The following LRRTM4 variants were observed in gnomAD, a reference collection of about 807,000 sequenced individuals.
LRRTM4 encodes leucine rich repeat transmembrane neuronal 4.
In LRRTM4, 25 loss-of-function variants were observed where a neutral mutation model predicts 47.6. That is an observed-to-expected ratio of 0.53 (90% CI 0.38 to 0.73). The LOEUF is 0.73. Ranked by LOEUF, LRRTM4 falls within the 30% of genes least tolerant of loss-of-function variation. The pLI, the probability that LRRTM4 is intolerant of heterozygous loss-of-function variation, is 0.00. For synonymous variants in LRRTM4, 311 were observed against 269.5 expected, an observed-to-expected ratio of 1.15 and a Z score of -1.51; for missense variants, 638 against 713.4, an observed-to-expected ratio of 0.89 and a Z score of 1.20.
At chr2:77,397,730 C>T (rs374961467) in intron 3 of LRRTM4, among the ~76,000 whole-genome samples, 18 of 151,916 alleles carry the variant, frequency 1.2e-4, no homozygotes, top group Middle Eastern at 3.4e-3. Flanking sequence ...TTTCTTCCCA[C>T]GTGCTGGACT....
chr2:77,332,558 T>C (rs562525330), intron 3 of LRRTM4, among the ~76,000 whole-genome samples: 31 of 152,300 alleles, frequency 2.0e-4, no homozygotes, highest in African/African-American at 7.5e-4. Flanking sequence ...GCTTCTGTCT[T>C]TAGATTGGCT....
At chr2:77,322,899 T>C (rs535219907) in intron 3 of LRRTM4, among the ~76,000 whole-genome samples, 24 of 151,510 alleles carry the variant, frequency 1.6e-4, no homozygotes, top group Non-Finnish European at 3.2e-4. Context: ...AAAATAGAAA[T>C]GTCAGCATCT....
intron 3 of LRRTM4, among the ~76,000 whole-genome samples, chr2:76,829,626 TACTC>T (rs1444955524): frequency 2.0e-5 from 3 of 152,016 alleles, no homozygotes; most frequent in Admixed American, 6.6e-5. Flanking sequence ...GTGCATAAAT[TACTC>T]AGTGCATTTT....
intron 3 of LRRTM4, among the ~76,000 whole-genome samples, chr2:76,815,431 C>A (rs1002002840): frequency 6.6e-6 from 1 of 152,014 alleles, no homozygotes; most frequent in Non-Finnish European, 1.5e-5. Context: ...TGAAAGTCTG[C>A]AGGGCTGGAA....
intron 3 of LRRTM4, among the ~76,000 whole-genome samples, chr2:76,853,339 G>A (rs1672054557): frequency 6.6e-6 from 1 of 152,028 alleles, no homozygotes; most frequent in African/African-American, 2.4e-5. Flanking sequence ...CCTCTAGATT[G>A]TTTTTCCTTT....
At chr2:77,463,132 C>G (rs1676853820) in intron 3 of LRRTM4, among the ~76,000 whole-genome samples, 1 of 152,004 alleles carries the variant, frequency 6.6e-6, no homozygotes, top group South Asian at 2.1e-4. Flanking sequence ...ATATAACCTA[C>G]TACACACCTA....
At chr2:76,929,016 GAGC>G (rs1290665400) in intron 3 of LRRTM4, among the ~76,000 whole-genome samples, 1 of 152,118 alleles carries the variant, frequency 6.6e-6, no homozygotes, top group African/African-American at 2.4e-5. Context: ...TTACAAAGGT[GAGC>G]AGATGACTAA....
intron 3 of LRRTM4, among the ~76,000 whole-genome samples, chr2:77,366,851 T>C (rs749587480): frequency 1.3e-5 from 2 of 151,904 alleles, no homozygotes; most frequent in Non-Finnish European, 2.9e-5. Flanking sequence ...TCACTGTCTC[T>C]GTCTCAGATA....
At chr2:77,388,731 C>T (rs1673384422) in intron 3 of LRRTM4, among the ~76,000 whole-genome samples, 1 of 152,000 alleles carries the variant, frequency 6.6e-6, no homozygotes, top group African/African-American at 2.4e-5. Context: ...TTTTCCAAGA[C>T]AGCCATGCTG....
intron 3 of LRRTM4, among the ~76,000 whole-genome samples, chr2:76,970,894 G>T (rs1676194617): frequency 6.6e-6 from 1 of 151,940 alleles, no homozygotes; most frequent in Non-Finnish European, 1.5e-5. Flanking sequence ...AGAACAGTGT[G>T]GAGTTACAAT....
At chr2:76,870,170 T>G (rs905095162) in intron 3 of LRRTM4, among the ~76,000 whole-genome samples, 2 of 152,204 alleles carry the variant, frequency 1.3e-5, no homozygotes, top group East Asian at 1.9e-4. Flanking sequence ...ACTAAAGCCC[T>G]CCACTGTTTC....
intron 3 of LRRTM4, among the ~76,000 whole-genome samples, chr2:77,395,296 C>G (rs561031338): frequency 1.1e-3 from 170 of 152,036 alleles, no homozygotes; most frequent in African/African-American, 4.0e-3. Flanking sequence ...GGAGTCTGTT[C>G]AGTCAGTTGA....
chr2:77,082,797 C>G (rs144005630), intron 3 of LRRTM4, among the ~76,000 whole-genome samples: 1 of 152,050 alleles, frequency 6.6e-6, no homozygotes, highest in South Asian at 2.1e-4. Flanking sequence ...TATGATGTCA[C>G]GTATTTGCTC....
At chr2:77,087,793 A>G in intron 3 of LRRTM4, among the ~76,000 whole-genome samples, 1 of 152,260 alleles carries the variant, frequency 6.6e-6, no homozygotes, top group East Asian at 1.9e-4. Flanking sequence ...AATAAAATGT[A>G]TACTAAAGAA....
chr2:76,912,445 T>C (rs1674103224), intron 3 of LRRTM4, among the ~76,000 whole-genome samples: 1 of 152,236 alleles, frequency 6.6e-6, no homozygotes, highest in Admixed American at 6.5e-5. Flanking sequence ...AGTCTCATTA[T>C]AAAATTTGAT....
chr2:76,979,566 A>G (rs1361295805), intron 3 of LRRTM4, among the ~76,000 whole-genome samples: 1 of 94,938 alleles, frequency 1.1e-5, no homozygotes, highest in Non-Finnish European at 2.0e-5. Flanking sequence ...CTTCCTCTAT[A>G]TATATATATA....
chr2:77,201,443 T>C (rs554507424), intron 3 of LRRTM4, among the ~76,000 whole-genome samples: 1 of 152,168 alleles, frequency 6.6e-6, no homozygotes, highest in South Asian at 2.1e-4. Flanking sequence ...TAAAATTAAT[T>C]CATTGAATTT....
rs548009149 is a variant in LRRTM4 at position 77,043,023 on chromosome 2, G to T, written c.1552-294107C>A. 5.3e-5 allele frequency among the ~76,000 whole-genome samples: 8 copies of T among 151,858 alleles called. No individual in the cohort carries two copies. The South Asian group carries it at 1.7e-3, about 31-fold the overall frequency. On this transcript the variant is annotated intron_variant, in intron 3 of 3. Coordinates refer to ENST00000409884, the MANE Select transcript of LRRTM4 (RefSeq NM_001134745.3). ...TGTTTCTCAATATATGCTGGGACTC[G>T]TGAGATTTACTCAGGCCTAGGAAAC...
intron 3 of LRRTM4, among the ~76,000 whole-genome samples, chr2:76,863,283 C>G (rs1672371715): frequency 6.6e-6 from 1 of 152,146 alleles, no homozygotes; most frequent in Non-Finnish European, 1.5e-5. Context: ...ATTTGCCAGG[C>G]TGAAAGAATA....
Sources: allele counts gnomAD v4.1 joint callset (sites outside exome capture counted in the v4.1 genomes callset), GRCh38; gene constraint gnomAD v4.1.1; transcripts MANE v1.5; gene names NCBI Gene and HGNC (gene_info 2026-07-23, HGNC 2026-07-21).